CD22: variants seen among roughly 807,000 people sequenced by gnomAD.
CD22 encodes the protein CD22 molecule.
In CD22, 51 loss-of-function variants were observed where a neutral mutation model predicts 94.7. The ratio of observed to expected loss-of-function variants is 0.54; its 90% CI spans 0.43 to 0.68. The LOEUF is 0.68. Ranked by LOEUF, CD22 falls within the 30% of genes least tolerant of loss-of-function variation. CD22 has a pLI of 0.00. For missense variants in CD22, 931 were observed against 1,060.4 expected, an observed-to-expected ratio of 0.88 and a Z score of 1.69; for synonymous variants, 424 against 422.5, an observed-to-expected ratio of 1.00 and a Z score of -0.04.
chr19:35,338,015 G>A lies in CD22; in HGVS notation c.979G>A (p.Val327Met). The A allele has an allele frequency of 1.2e-6, 2 of 1,609,304 alleles. No individual in the cohort carries two copies. Among genetic ancestry groups the A allele is most frequent in the Non-Finnish European group, 1.7e-6 (2 of 1,176,994 alleles). ...AAGGTCGGAAGAAGTGTTCCTGCAA[G>A]TGCAGTGTGAGCCCCTCGGAGCTGG... ...PGRSEEVFLQ[V>M]QYAPEPSTVQ... The change falls in exon 5 of 14, where the codon GTG becomes ATG. Residue 327 changes from valine (V) to methionine (M), a missense_variant. Transcript: ENST00000085219.
intron 2 of CD22, 95 bp downstream of exon 2, chr19:35,332,169 G>A: frequency 1.4e-6 from 2 of 1,387,956 alleles, no homozygotes; most frequent in Non-Finnish European, 2.1e-6. Flanking sequence ...GTCAACATAG[G>A]GTAGGGTGGG....
rs1324528773 is a variant in CD22 at position 35,332,921 on chromosome 19, T to G, written c.409T>G (p.Ser137Ala). 6.2e-7 allele frequency: 1 copy of G among 1,612,722 alleles called. No individual in the cohort carries two copies. The highest frequency in any genetic ancestry group is 8.5e-7 in the Non-Finnish European group (1 of 1,178,896). The change falls in exon 3 of 14, where the codon TCT becomes GCT. Residue 137 changes from serine to alanine, a missense_variant. Ser to Ala is a moderately conservative substitution (Grantham distance 99). Coordinates refer to ENST00000085219, the MANE Select transcript of CD22 (RefSeq NM_001771.4). ...GATGGAACGAATACACCTCAATGTC[T>G]CTGGTAAGGCCTTCGGGGAGCGGGT... is the stretch of plus-strand genomic sequence containing the variant. ...KWMERIHLNV[S>A]ERPFPPHIQL...
At position 35,345,121 on chromosome 19, in the gene CD22, A is replaced by G. The variant is rs773478696; in HGVS notation, c.2203A>G (p.Lys735Glu). The change falls in exon 11 of 14, where the codon AAA becomes GAA. Residue 735 changes from lysine to glutamate, a missense_variant. Coordinates refer to ENST00000085219, the MANE Select transcript of CD22 (RefSeq NM_001771.4). The stretch of plus-strand genomic sequence containing the variant: ...CGGCCAGAGCTTCTTTGTGAGGAAT[A>G]AAAAGGTAGGATGGGGCTGGGCACG... ...SSGQSFFVRN[K>E]KVRRAPLSEG... The G allele has an allele frequency of 4.0e-5, 65 of 1,613,616 alleles. No homozygotes were observed. The highest frequency in any genetic ancestry group is 5.3e-5 in the Non-Finnish European group (63 of 1,179,838).
At position 35,345,131 on chromosome 19, in the gene CD22, G is replaced by C; in HGVS notation, c.2208+5G>C. 6.2e-7 allele frequency: 1 copy of C among 1,613,484 alleles called. No individual in the cohort carries two copies. The highest frequency in any genetic ancestry group is 8.5e-7 in the Non-Finnish European group (1 of 1,179,720). On this transcript the variant is annotated splice_donor_5th_base_variant and intron_variant, in intron 11 of 13. Coordinates refer to ENST00000085219, the MANE Select transcript of CD22 (RefSeq NM_001771.4). ...TTCTTTGTGAGGAATAAAAAGGTAG[G>C]ATGGGGCTGGGCACGATGGCTCATG...
In CD22 at chr19:35,332,094, C is replaced by A; in HGVS notation, c.34+20C>A. On this transcript the variant is annotated intron_variant, in intron 2 of 13. Coordinates refer to ENST00000085219, the MANE Select transcript of CD22 (RefSeq NM_001771.4). ...TCCTGGGTAAGGACTGTGGCCTGGG[C>A]TAGTACTGGGGTTCTGGGATGTCAG... 6.2e-7 allele frequency: 1 copy of A among 1,613,848 alleles called. No individual in the cohort carries two copies. The highest frequency in any genetic ancestry group is 8.5e-7 in the Non-Finnish European group (1 of 1,179,858).
Position 35,341,163 on chromosome 19 carries a change from G to A in CD22, c.1507+25G>A. ...TGTGAGTCCCTGGGCTAGGCAGGGG[G>A]ATCTGGGAGGTGGCCCGGCTGGGAT... On this transcript the variant is annotated intron_variant, in intron 7 of 13. Transcript: ENST00000085219. This position sits in a 1 kb window ranked among gnomAD's most constrained non-coding sequence, Gnocchi z 4.0. 1 of 1,612,758 alleles carries A rather than the reference G, an allele frequency of 6.2e-7. No individual in the cohort carries two copies. Among genetic ancestry groups the A allele is most frequent in the Non-Finnish European group, 8.5e-7 (1 of 1,178,832 alleles).
At position 35,341,681 on chromosome 19, in the gene CD22, C is replaced by T. The variant is rs1461253895; in HGVS notation, c.1772-21C>T. ...CTGCCTGGTAGTGACTTCGCACCCC[C>T]TCCCCCTGCCCGCCATGCAGATGCA... On this transcript the variant is annotated intron_variant, in intron 8 of 13. Transcript: ENST00000085219. The surrounding 1 kb of genome is among the most constrained non-coding windows in gnomAD (Gnocchi z 4.0). 4 of 1,606,842 alleles carry T rather than the reference C, an allele frequency of 2.5e-6. No homozygotes were observed. The highest frequency in any genetic ancestry group is 1.7e-5 in the Admixed American group (1 of 59,840).
At position 35,346,646 on chromosome 19, in the gene CD22, G is replaced by A. The variant is rs756355117; in HGVS notation, c.2493G>A (p.Gly831=). The change falls in exon 14 of 14, where the codon GGG becomes GGA. Residue 831 remains glycine, a synonymous_variant. Transcript: ENST00000085219. ...HYSELIQFGV[G]ERPQAQENVD... is the part of the protein sequence containing the mutation. The stretch of plus-strand genomic sequence containing the variant: ...CAGAGCTGATCCAGTTTGGGGTCGG[G>A]GAGCGGCCTCAGGCACAAGAAAATG... The A allele has an allele frequency of 1.9e-6, 3 of 1,608,832 alleles. No homozygotes were observed. The Admixed American group carries it at 5.1e-5, about 27-fold the overall frequency.
At chr19:35,333,697 G>A (rs1164250339) in intron 3 of CD22, among the ~76,000 whole-genome samples, 2 of 152,126 alleles carry the variant, frequency 1.3e-5, no homozygotes, top group Non-Finnish European at 2.9e-5. Context: ...GATCACAGGT[G>A]CATGCCACCA....
rs1183974994 is a variant in CD22, at chr19:35,341,346, C to T, written c.1511C>T (p.Ala504Val). 1.3e-5 allele frequency: 21 copies of T among 1,612,546 alleles called. No individual in the cohort carries two copies. Among genetic ancestry groups the T allele is most frequent in the Non-Finnish European group, 1.8e-5 (21 of 1,179,110 alleles). Residue 504 changes from alanine to valine, a missense_variant, in exon 8 of 14, where the codon GCC (alanine) becomes GTC (valine). Ala to Val is a moderately conservative substitution (Grantham distance 64). Coordinates refer to ENST00000085219, the MANE Select transcript of CD22 (RefSeq NM_001771.4). The surrounding 1 kb of genome is among the most constrained non-coding windows in gnomAD (Gnocchi z 4.0). The stretch of plus-strand genomic sequence containing the variant: ...GCTTGGGACCCTTGCCCTCCAGATG[C>T]CCCCCGAGACGTGAGGGTCCGGAAA... ...ASPVALNVQY[A>V]PRDVRVRKIK...
rs2066917258 is a variant in CD22, at chr19:35,346,851, C to A, written c.*154C>A. The A allele has an allele frequency of 1.3e-6, 1 of 790,320 alleles. No homozygotes were observed. Among genetic ancestry groups the A allele is most frequent in the Non-Finnish European group, 1.9e-6 (1 of 517,266 alleles). The allele number at this position is 790,320 out of a possible 1,614,324, so 49.0% of individuals were successfully genotyped here. A position where few individuals can be genotyped will look rare whatever the true frequency, so the allele number is the denominator to read the frequency against. ...ACACACACACACTCACTGCGGAGAA[C>A]CTTGTGCCTGGCTCAGAGCCAGTCT... On this transcript the variant is annotated 3_prime_UTR_variant, in exon 14 of 14. Coordinates refer to ENST00000085219, the MANE Select transcript of CD22 (RefSeq NM_001771.4).
rs774363322 is a variant in CD22, at chr19:35,337,733, G to A, written c.719-22G>A. 1.0e-5 allele frequency: 16 copies of A among 1,560,190 alleles called. No individual in the cohort carries two copies. The highest frequency in any genetic ancestry group is 2.3e-5 in the South Asian group (2 of 85,536). ...TCTGAGGATTCCCCGCCCCCTCCCCGACTGCCCCTCTGCTCCTCCAGACAC... is the reference window on the plus strand; with the variant it reads ...TCTGAGGATTCCCCGCCCCCTCCCCAACTGCCCCTCTGCTCCTCCAGACAC... On this transcript the variant is annotated intron_variant, in intron 4 of 13. Coordinates refer to ENST00000085219, the MANE Select transcript of CD22 (RefSeq NM_001771.4). This position sits in a 1 kb window ranked among gnomAD's most constrained non-coding sequence, Gnocchi z 4.4.
chr19:35,338,313 A>G lies in CD22; in HGVS notation c.1131A>G (p.Thr377=), dbSNP rs2066755472. Residue 377 remains threonine (T), a synonymous_variant, in exon 6 of 14, where the codon ACA becomes ACG. Transcript: ENST00000085219. ...ATGGGAAAGAAATGCAGGGAAGGAC[A>G]GAGGAGAAAGTCCACATCCCAAAGA... is the stretch of plus-strand genomic sequence containing the variant. ...YHNGKEMQGR[T]EEKVHIPKIL... 6.2e-7 allele frequency: 1 copy of G among 1,614,266 alleles called. No individual in the cohort carries two copies. The highest frequency in any genetic ancestry group is 8.5e-7 in the Non-Finnish European group (1 of 1,180,048).
At position 35,337,811 on chromosome 19, in the gene CD22, G is replaced by A. The variant is rs781026631; in HGVS notation, c.775G>A (p.Asp259Asn). 6.2e-7 allele frequency: 1 copy of A among 1,612,812 alleles called. No homozygotes were observed. Among genetic ancestry groups the A allele is most frequent in the East Asian group, 2.2e-5 (1 of 44,822 alleles). The change falls in exon 5 of 14, where the codon GAC becomes AAC. Residue 259 changes from aspartate (D) to asparagine (N), a missense_variant. Physicochemically the swap from Asp to Asn is conservative, Grantham distance 23 (BLOSUM62 1). Transcript: ENST00000085219. This position sits in a 1 kb window ranked among gnomAD's most constrained non-coding sequence, Gnocchi z 4.4. Reference sequence around the variant, plus strand: ...CAGTGATGCCATAGTGAGGGAGGGGGACTCTGTGACCATGACCTGCGAGGT... The same window carrying A: ...CAGTGATGCCATAGTGAGGGAGGGGAACTCTGTGACCATGACCTGCGAGGT... ...TPSDAIVREG[D>N]SVTMTCEVSS...
intron 9 of CD22, among the ~76,000 whole-genome samples, chr19:35,343,742 CA>C (rs74172719): frequency 6.6e-6 from 1 of 151,360 alleles, no homozygotes; most frequent in South Asian, 2.1e-4. Flanking sequence ...CAAAAAATAC[CA>C]AAAAAAATTT....
rs34826052 is a variant in CD22, at chr19:35,345,697, C to T, written c.2304C>T (p.Pro768=). 3.0e-5 allele frequency: 48 copies of T among 1,612,660 alleles called. No individual in the cohort carries two copies. In the East Asian group the frequency reaches 5.1e-4, roughly 17 times the overall value. The change falls in exon 12 of 14, where the codon CCC becomes CCT. Residue 768 remains proline (P), a synonymous_variant. Coordinates refer to ENST00000085219, the MANE Select transcript of CD22 (RefSeq NM_001771.4). ...TTAGCTACACCACCCTGCGCTTTCC[C>T]GAGATGAACATACCACGAACTGGGT... The part of the protein sequence containing the change: ...DGISYTTLRF[P]EMNIPRTGDA...
chr19:35,333,049 C>T (rs2066667758), intron 3 of CD22, 125 bp downstream of exon 3: 8 of 1,008,676 alleles, frequency 7.9e-6, no homozygotes, highest in Admixed American at 5.1e-5. Flanking sequence ...GGGACGCCAG[C>T]GGATGACGAT....
In CD22 at chr19:35,341,399, G is replaced by A. The variant is rs1390662700; in HGVS notation, c.1564G>A (p.Gly522Arg). The change falls in exon 8 of 14, where the codon GGA becomes AGA. Residue 522 changes from glycine (G) to arginine (R), a missense_variant. Transcript: ENST00000085219. This position sits in a 1 kb window ranked among gnomAD's most constrained non-coding sequence, Gnocchi z 4.0. ...KIKPLSEIHSGNSVSLQCDFS... is the reference protein window; with the variant it reads ...KIKPLSEIHSRNSVSLQCDFS... The stretch of plus-strand genomic sequence containing the variant: ...CAAGCCCCTTTCCGAGATTCACTCT[G>A]GAAACTCGGTCAGCCTCCAATGTGA... 1 of 1,613,826 alleles carries A rather than the reference G, an allele frequency of 6.2e-7. No individual in the cohort carries two copies. Among genetic ancestry groups the A allele is most frequent in the Non-Finnish European group, 8.5e-7 (1 of 1,179,976 alleles).
Position 35,336,319 on chromosome 19 carries a change from C to CA in CD22, c.697dup (p.Thr233AsnfsTer20), listed in dbSNP as rs1568485999. 1.2e-6 allele frequency: 2 copies of CA among 1,614,186 alleles called. No homozygotes were observed. The highest frequency in any genetic ancestry group is 2.2e-5 in the East Asian group (1 of 44,880). ...CAGATGGGAAGTTCCTCTCCAATGA[C>CA]ACGGTGCAGCTGAACGTGAAGCGTG... is the stretch of plus-strand genomic sequence containing the variant. On this transcript the variant is annotated frameshift_variant, in exon 4 of 14. Transcript: ENST00000085219. LOFTEE classifies it high-confidence loss of function.
Sources: allele counts gnomAD v4.1 joint callset (sites outside exome capture counted in the v4.1 genomes callset), GRCh38; gene constraint gnomAD v4.1.1; non-coding constraint Gnocchi (gnomAD v3.1); transcripts MANE v1.5; gene names NCBI Gene and HGNC (gene_info 2026-07-23, HGNC 2026-07-21).